The following TMEM245 variants were observed in gnomAD, a reference collection of about 807,000 sequenced individuals.
TMEM245 encodes protein CG-2.
Under a neutral mutation model 101.2 loss-of-function variants are expected in TMEM245, and 69 were observed. That is an observed-to-expected ratio of 0.68 (90% CI 0.56 to 0.83). TMEM245 has a LOEUF of 0.83. TMEM245 is among the 40% of genes least tolerant of loss of function. The pLI is 0.00. For synonymous variants in TMEM245, 537 were observed against 449.8 expected (o/e 1.19, Z -2.45); for missense variants, 1,075 against 1,092.8 (o/e 0.98, Z 0.23).
At chr9:109,118,114 T>C (rs908892643) in intron 1 of TMEM245, among the ~76,000 whole-genome samples, 1 of 152,268 alleles carries the variant, frequency 6.6e-6, no homozygotes, top group Non-Finnish European at 1.5e-5. Context: ...TAGGATTATA[T>C]GTACCGTGAA....
At chr9:109,108,385 C>T in intron 2 of TMEM245, 68 bp downstream of exon 2, 1 of 786,642 alleles carries the variant, frequency 1.3e-6, no homozygotes, top group Non-Finnish European at 1.9e-6. Context: ...CACTTTCATT[C>T]ACACAGTCAG....
In TMEM245 at chr9:109,057,276, C is replaced by A; in HGVS notation, c.1769G>T (p.Ser590Ile). The change falls in exon 12 of 18, where the codon AGT becomes ATT. Residue 590 changes from serine (S) to isoleucine (I), a missense_variant. By Grantham distance (142) the Ser-to-Ile change is moderately radical. Transcript: ENST00000374586. ...GTCTCCCAGCCAGCTATTCTGACGA[C>A]TGACATGCAACTTCTGTCCTTTGTG... ...GRHKGQKLHV[S>I]RQNSWLGDIL... 1 of 1,614,122 alleles carries A rather than the reference C, an allele frequency of 6.2e-7. No individual in the cohort carries two copies. Among genetic ancestry groups the A allele is most frequent in the Non-Finnish European group, 8.5e-7 (1 of 1,179,976 alleles).
chr9:109,019,430 T>C lies in TMEM245; in HGVS notation c.*1030A>G, dbSNP rs1366611309. 1 of 152,232 alleles carries C rather than the reference T, an allele frequency of 6.6e-6. No individual in the cohort carries two copies. The highest frequency in any genetic ancestry group is 1.5e-5 in the Non-Finnish European group (1 of 68,042). 9.4% of individuals were successfully genotyped at this position (152,232 alleles called of 1,614,324 possible). On this transcript the variant is annotated 3_prime_UTR_variant, in exon 18 of 18. Coordinates refer to ENST00000374586, the MANE Select transcript of TMEM245 (RefSeq NM_032012.4). ...GATGTGATGTACTTGTGAAATAGTA[T>C]GTGCAAAAGGACTTTGTAAAATGTA...
chr9:109,089,476 T>A (rs916091573), intron 5 of TMEM245, among the ~76,000 whole-genome samples: 1 of 152,174 alleles, frequency 6.6e-6, no homozygotes, highest in African/African-American at 2.4e-5. Flanking sequence ...AAAATCAGAT[T>A]ACGTTTTAAT....
At chr9:109,118,620 G>A (rs139649873) in intron 1 of TMEM245, among the ~76,000 whole-genome samples, 192 of 152,264 alleles carry the variant, frequency 1.3e-3, no homozygotes, top group African/African-American at 4.4e-3. Context: ...TCCCCTTCAC[G>A]CGGTCAGCTG....
intron 3 of TMEM245, among the ~76,000 whole-genome samples, chr9:109,094,158 T>G (rs1390555665): frequency 6.6e-6 from 1 of 152,216 alleles, no homozygotes; most frequent in Non-Finnish European, 1.5e-5. Context: ...CATTATATAT[T>G]TCCATGTTAA....
chr9:109,050,772 C>G, intron 12 of TMEM245, 80 bp from the exon 13 acceptor site: 2 of 1,525,164 alleles, frequency 1.3e-6, no homozygotes, highest in Non-Finnish European at 9.0e-7. Flanking sequence ...GCTTTTAATA[C>G]AGTGTTTTAG....
At chr9:109,100,307 T>C (rs1331098185) in intron 3 of TMEM245, among the ~76,000 whole-genome samples, 2 of 152,012 alleles carry the variant, frequency 1.3e-5, no homozygotes, top group East Asian at 1.9e-4. Context: ...CAAGAACCTA[T>C]GTTTATTTAT....
chr9:109,062,217 G>T (rs1456892526), intron 10 of TMEM245, among the ~76,000 whole-genome samples: 1 of 151,858 alleles, frequency 6.6e-6, no homozygotes, highest in Non-Finnish European at 1.5e-5. Flanking sequence ...TGTTGCCCAA[G>T]CTGGTCTGGG....
chr9:109,086,500 T>C (rs563419676), intron 6 of TMEM245, among the ~76,000 whole-genome samples: 50 of 152,290 alleles, frequency 3.3e-4, no homozygotes, highest in African/African-American at 1.2e-3. Flanking sequence ...CTACACAAAT[T>C]CCTAATACTT....
intron 3 of TMEM245, among the ~76,000 whole-genome samples, chr9:109,098,366 G>A (rs915638123): frequency 1.3e-5 from 2 of 152,132 alleles, no homozygotes; most frequent in African/African-American, 4.8e-5. Flanking sequence ...CATTTTTCGA[G>A]CACCTCAGAC....
rs867885218 is a variant in TMEM245, at chr9:109,106,426, C to G, written c.799+82G>C. ...CATAGGTTTTTAAATAGATTCAAAGCTGTTTCATCATAGCATTTTTTAAAA... is the reference window on the plus strand; with the variant it reads ...CATAGGTTTTTAAATAGATTCAAAGGTGTTTCATCATAGCATTTTTTAAAA... On this transcript the variant is annotated intron_variant, in intron 3 of 17. Transcript: ENST00000374586. The G allele has an allele frequency of 7.7e-5, 61 of 792,678 alleles. No homozygotes were observed. In the Middle Eastern group the frequency reaches 3.5e-3, roughly 46 times the overall value. 49.1% of individuals were successfully genotyped at this position (792,678 alleles called of 1,614,324 possible).
intron 17 of TMEM245, among the ~76,000 whole-genome samples, chr9:109,026,516 G>C (rs942395918): frequency 5.9e-5 from 9 of 151,720 alleles, no homozygotes; most frequent in Admixed American, 1.3e-4. Context: ...AATGGCACCT[G>C]GTGTATCTGA....
Position 109,043,611 on chromosome 9 carries a change from A to AATTCAG in TMEM245, c.2124-5495_2124-5494insCTGAAT, listed in dbSNP as rs2307737. Among the ~76,000 whole-genome samples the AATTCAG allele has an allele frequency of 1.3e-3, 204 of 151,940 alleles. 2 individuals carry two copies. The highest frequency in any genetic ancestry group is 4.5e-3 in the African/African-American group (186 of 41,442). On this transcript the variant is annotated intron_variant, in intron 14 of 17. Coordinates refer to ENST00000374586, the MANE Select transcript of TMEM245 (RefSeq NM_032012.4). ...AGCACTCAATAGTTGATGAGAATCA[A>AATTCAG]ACTCTGGAGGTTCTTTTCCTCCCTC...
chr9:109,113,599 C>G (rs1008410692), intron 1 of TMEM245, among the ~76,000 whole-genome samples: 1 of 152,186 alleles, frequency 6.6e-6, no homozygotes. Flanking sequence ...TCACATTTTC[C>G]TTTCATTTCA....
intron 8 of TMEM245, among the ~76,000 whole-genome samples, chr9:109,075,139 T>C (rs1829459556): frequency 6.6e-6 from 1 of 152,208 alleles, no homozygotes; most frequent in Non-Finnish European, 1.5e-5. Context: ...GTAGCGGTAC[T>C]GAGAAAGAAG....
At chr9:109,079,470 G>A (rs1325985887) in intron 8 of TMEM245, among the ~76,000 whole-genome samples, 3 of 152,014 alleles carry the variant, frequency 2.0e-5, no homozygotes, top group Non-Finnish European at 2.9e-5. Flanking sequence ...TTACATTTGA[G>A]ATGTCCATTA....
At chr9:109,032,680 A>G (rs962464885) in intron 17 of TMEM245, among the ~76,000 whole-genome samples, 6 of 150,960 alleles carry the variant, frequency 4.0e-5, no homozygotes, top group Non-Finnish European at 7.4e-5. Flanking sequence ...GAGCCACACC[A>G]CATCTGGCCT....
chr9:109,089,426 T>G (rs1452020090), intron 5 of TMEM245, among the ~76,000 whole-genome samples: 1 of 152,168 alleles, frequency 6.6e-6, no homozygotes, highest in Non-Finnish European at 1.5e-5. Context: ...AATGGGCTAA[T>G]AAGTTTAGAC....
Sources: gnomAD v4.1 joint callset for allele counts (sites outside exome capture counted in the v4.1 genomes callset) on GRCh38, gnomAD v4.1.1 for gene constraint, MANE v1.5 for transcripts, NCBI Gene and HGNC (gene_info 2026-07-23, HGNC 2026-07-21) for gene names.